The following RAPGEF6 variants were observed in gnomAD, a reference collection of about 807,000 sequenced individuals.
The protein encoded by RAPGEF6 is Rap guanine nucleotide exchange factor 6.
In RAPGEF6, 56 loss-of-function variants were observed where a neutral mutation model predicts 171.4. The ratio of observed to expected loss-of-function variants is 0.33; its 90% CI spans 0.26 to 0.41. The LOEUF (loss-of-function observed/expected upper bound fraction) is 0.41. RAPGEF6 is among the 10% of genes least tolerant of loss of function. RAPGEF6 has a pLI of 1.00. For synonymous variants in RAPGEF6, 692 were observed against 650.1 expected (o/e 1.06, Z -0.98); for missense variants, 1,674 against 1,921.4 (o/e 0.87, Z 2.41).
intron 4 of RAPGEF6, among the ~76,000 whole-genome samples, chr5:131,582,995 A>T (rs1403517178): frequency 6.6e-6 from 1 of 152,212 alleles, no homozygotes; most frequent in Non-Finnish European, 1.5e-5. Flanking sequence ...CTACTCCTAC[A>T]TATTATGCAG....
At chr5:131,446,741 G>A (rs753948944) in intron 21 of RAPGEF6, 38 bp from the exon 22 acceptor site, 1 of 1,544,330 alleles carries the variant, frequency 6.5e-7, no homozygotes, top group Admixed American at 1.7e-5. Flanking sequence ...GGGCTATAGA[G>A]ATGAGAACTA....
chr5:131,477,894 G>A (rs911134046), intron 16 of RAPGEF6, among the ~76,000 whole-genome samples: 5 of 152,114 alleles, frequency 3.3e-5, no homozygotes, highest in Non-Finnish European at 7.3e-5. Context: ...TGGATCCTCG[G>A]TTTTGTCCCT....
chr5:131,489,236 A>C (rs946711564), intron 15 of RAPGEF6, among the ~76,000 whole-genome samples: 1 of 152,196 alleles, frequency 6.6e-6, no homozygotes, highest in Admixed American at 6.5e-5. Flanking sequence ...TCTTAGTTTT[A>C]TTCCGGACAT....
intron 4 of RAPGEF6, among the ~76,000 whole-genome samples, chr5:131,582,063 C>A (rs1762999955): frequency 6.6e-6 from 1 of 152,132 alleles, no homozygotes; most frequent in Non-Finnish European, 1.5e-5. Context: ...AATGATAATC[C>A]CACCACCATT....
At chr5:131,602,399 C>T (rs886907364) in intron 3 of RAPGEF6, among the ~76,000 whole-genome samples, 6 of 152,084 alleles carry the variant, frequency 3.9e-5, no homozygotes, top group Admixed American at 3.9e-4. Context: ...ATATCCTCAA[C>T]AGGAGTAAGC....
chr5:131,606,222 C>A (rs1764565258), intron 1 of RAPGEF6, among the ~76,000 whole-genome samples: 1 of 151,514 alleles, frequency 6.6e-6, no homozygotes, highest in East Asian at 2.0e-4. Context: ...AAAAAATTAG[C>A]CAGGCTTGTG....
intron 21 of RAPGEF6, 78 bp downstream of exon 21, chr5:131,452,976 T>C: frequency 2.0e-6 from 3 of 1,494,164 alleles, no homozygotes; most frequent in Admixed American, 2.1e-5. Flanking sequence ...ATAAATATGA[T>C]CAATAAATGA....
chr5:131,485,714 G>T (rs543372763), intron 15 of RAPGEF6, among the ~76,000 whole-genome samples: 5 of 152,316 alleles, frequency 3.3e-5, no homozygotes, highest in Admixed American at 2.0e-4. Flanking sequence ...AGCTAAGTGG[G>T]TCATGATTCT....
chr5:131,622,166 G>A (rs1419805821), intron 1 of RAPGEF6, among the ~76,000 whole-genome samples: 3 of 151,950 alleles, frequency 2.0e-5, no homozygotes, highest in African/African-American at 7.3e-5. Flanking sequence ...AGGCACTTGT[G>A]ACACTCATAA....
intron 17 of RAPGEF6, 56 bp downstream of exon 17, chr5:131,472,531 A>C (rs1754818338): frequency 6.4e-7 from 1 of 1,561,328 alleles, no homozygotes; most frequent in Non-Finnish European, 8.8e-7. Context: ...AGGCTTAACC[A>C]TCTATTTGTT....
intron 7 of RAPGEF6, among the ~76,000 whole-genome samples, chr5:131,517,788 C>T (rs1415490687): frequency 2.2e-5 from 1 of 45,734 alleles, no homozygotes; most frequent in Non-Finnish European, 8.2e-5. Flanking sequence ...TGTACACACA[C>T]ACACACACAC....
chr5:131,618,253 T>C (rs1299136500), intron 1 of RAPGEF6, among the ~76,000 whole-genome samples: 1 of 152,052 alleles, frequency 6.6e-6, no homozygotes, highest in African/African-American at 2.4e-5. Flanking sequence ...TACTTCATAG[T>C]GATTTAAAAA....
At chr5:131,548,539 AT>A (rs1203462570) in intron 5 of RAPGEF6, among the ~76,000 whole-genome samples, 1 of 152,240 alleles carries the variant, frequency 6.6e-6, no homozygotes, top group East Asian at 1.9e-4. Context: ...TTATACACAT[AT>A]TTTACTTAGC....
At chr5:131,607,442 T>C (rs1764670345) in intron 1 of RAPGEF6, among the ~76,000 whole-genome samples, 1 of 152,192 alleles carries the variant, frequency 6.6e-6, no homozygotes, top group Non-Finnish European at 1.5e-5. Flanking sequence ...AATACTGATG[T>C]GGTGTTACTT....
intron 6 of RAPGEF6, chr5:131,533,052 G>A (rs1759502832): frequency 6.6e-6 from 1 of 152,432 alleles, no homozygotes; most frequent in Admixed American, 6.6e-5. Context: ...AAGAGAGTGG[G>A]AGGAGAATAG....
chr5:131,598,892 G>A (rs766259581), intron 3 of RAPGEF6, among the ~76,000 whole-genome samples: 4 of 152,160 alleles, frequency 2.6e-5, no homozygotes, highest in Non-Finnish European at 5.9e-5. Context: ...AAATTGACAA[G>A]CTGATTCTAG....
At chr5:131,519,928 T>C (rs973338611) in intron 7 of RAPGEF6, among the ~76,000 whole-genome samples, 1 of 152,200 alleles carries the variant, frequency 6.6e-6, no homozygotes, top group Non-Finnish European at 1.5e-5. Flanking sequence ...GCCAGAGCTA[T>C]TGTATTAACT....
At chr5:131,590,754 G>T (rs935527691) in intron 4 of RAPGEF6, among the ~76,000 whole-genome samples, 1 of 152,072 alleles carries the variant, frequency 6.6e-6, no homozygotes, top group African/African-American at 2.4e-5. Context: ...TCATTGTCTT[G>T]ATCACAAACT....
chr5:131,552,228 A>G (rs1248993143), intron 5 of RAPGEF6, among the ~76,000 whole-genome samples: 1 of 151,780 alleles, frequency 6.6e-6, no homozygotes, highest in African/African-American at 2.4e-5. Flanking sequence ...TAAGCAAGAT[A>G]CAAGCAGAAG....
Sources: gnomAD v4.1 joint callset for allele counts (sites outside exome capture counted in the v4.1 genomes callset) on GRCh38, gnomAD v4.1.1 for gene constraint, MANE v1.5 for transcripts, NCBI Gene and HGNC (gene_info 2026-07-23, HGNC 2026-07-21) for gene names.